ARNT2: variants seen among roughly 807,000 people sequenced by gnomAD.
ARNT2 encodes aryl hydrocarbon receptor nuclear translocator 2, also known as ARNT protein 2.
In ARNT2, 36 loss-of-function variants were observed where a neutral mutation model predicts 91.7. That is an observed-to-expected ratio of 0.39 (90% confidence interval 0.30 to 0.52). ARNT2 has a LOEUF of 0.52. Ranked by LOEUF, ARNT2 falls within the 20% of genes least tolerant of loss-of-function variation. ARNT2 has a pLI of 0.72. For synonymous variants in ARNT2, 365 were observed against 347.1 expected, an observed-to-expected ratio of 1.05 and a Z score of -0.57; for missense variants, 775 against 939.3, an observed-to-expected ratio of 0.83 and a Z score of 2.29.
intron 8 of ARNT2, among the ~76,000 whole-genome samples, chr15:80,534,876 AC>A (rs1415922761): frequency 6.6e-6 from 1 of 152,162 alleles, no homozygotes; most frequent in African/African-American, 2.4e-5. Flanking sequence ...GGATAGGTAT[AC>A]CTTTTTTCCC....
chr15:80,545,452 A>G (rs1897976175), intron 8 of ARNT2, among the ~76,000 whole-genome samples: 1 of 152,224 alleles, frequency 6.6e-6, no homozygotes, highest in South Asian at 2.1e-4. Flanking sequence ...GTGTGCTGGA[A>G]TGAAGACTTT....
intron 1 of ARNT2, among the ~76,000 whole-genome samples, chr15:80,437,922 T>TACACACACACACACACACACACACACAC (rs58142108): frequency 7.1e-6 from 1 of 141,562 alleles, no homozygotes; most frequent in Non-Finnish European, 1.5e-5. Flanking sequence ...TGTATTTACC[T>TACACACACACACACACACACACACACAC]ACACACACAC....
At chr15:80,508,633 A>C (rs1024715598) in intron 6 of ARNT2, among the ~76,000 whole-genome samples, 4 of 152,158 alleles carry the variant, frequency 2.6e-5, no homozygotes, top group African/African-American at 9.7e-5. Context: ...TTATTCATAT[A>C]TTTCCTGTCA....
intron 8 of ARNT2, among the ~76,000 whole-genome samples, chr15:80,541,554 T>A (rs1897906555): frequency 6.6e-6 from 1 of 152,246 alleles, no homozygotes; most frequent in Non-Finnish European, 1.5e-5. Flanking sequence ...TCATAAATTC[T>A]TTCCCAAGGC....
At chr15:80,450,423 C>T (rs1006831789) in intron 1 of ARNT2, among the ~76,000 whole-genome samples, 3 of 152,258 alleles carry the variant, frequency 2.0e-5, no homozygotes, top group South Asian at 2.1e-4. Context: ...TGCTTGAACA[C>T]GAACCTAGGG....
At position 80,597,052 on chromosome 15, in the gene ARNT2, G is replaced by C. The variant is rs916151175; in HGVS notation, c.*3354G>C. The stretch of plus-strand genomic sequence containing the variant: ...ATGAGACGTGAATGTTGCAGAGAGT[G>C]GGGGGATTCTGGTTGTTAAGGAACT... On this transcript the variant is annotated 3_prime_UTR_variant, in exon 19 of 19. Coordinates refer to ENST00000303329, the MANE Select transcript of ARNT2 (RefSeq NM_014862.4). The C allele has an allele frequency of 2.1e-5, 10 of 472,570 alleles. No homozygotes were observed. Among genetic ancestry groups the C allele is most frequent in the Non-Finnish European group, 3.4e-5 (8 of 236,692 alleles). The allele number at this position is 472,570 out of a possible 1,614,324, so 29.3% of individuals were successfully genotyped here.
chr15:80,442,329 T>A (rs1422141198), intron 1 of ARNT2, among the ~76,000 whole-genome samples: 2 of 152,224 alleles, frequency 1.3e-5, no homozygotes, highest in Admixed American at 1.3e-4. Flanking sequence ...GGAAGCCTTC[T>A]CAGATCTTCC....
intron 1 of ARNT2, among the ~76,000 whole-genome samples, chr15:80,416,037 G>T (rs530142069): frequency 6.6e-6 from 1 of 152,134 alleles, no homozygotes; most frequent in African/African-American, 2.4e-5. Flanking sequence ...GTAAGGTCTG[G>T]CACACACTTG....
At position 80,596,406 on chromosome 15, in the gene ARNT2, T is replaced by C. The variant is rs1345602084; in HGVS notation, c.*2708T>C. On this transcript the variant is annotated 3_prime_UTR_variant, in exon 19 of 19. Coordinates refer to ENST00000303329, the MANE Select transcript of ARNT2 (RefSeq NM_014862.4). Reference sequence around the variant, plus strand: ...GGGGTCAATAAGAAAATAGGGGTGATGGAGGGGGAGAAGCCCAGGACTGGG... The same window carrying C: ...GGGGTCAATAAGAAAATAGGGGTGACGGAGGGGGAGAAGCCCAGGACTGGG... The C allele has an allele frequency of 6.6e-6, 1 of 152,136 alleles. No individual in the cohort carries two copies. Among genetic ancestry groups the C allele is most frequent in the East Asian group, 1.9e-4 (1 of 5,180 alleles). The allele number at this position is 152,136 out of a possible 1,614,324, so 9.4% of individuals were successfully genotyped here.
chr15:80,514,434 G>A, intron 8 of ARNT2, 29 bp downstream of exon 8: 1 of 1,599,298 alleles, frequency 6.3e-7, no homozygotes, highest in Non-Finnish European at 8.6e-7. Context: ...AAATTCCACG[G>A]GAACTGGGTG....
chr15:80,438,924 C>T (rs8043087), intron 1 of ARNT2, among the ~76,000 whole-genome samples: 4 of 152,166 alleles, frequency 2.6e-5, no homozygotes, highest in African/African-American at 7.2e-5. Context: ...CTCGTGACCT[C>T]GTGATCCGCC....
intron 12 of ARNT2, among the ~76,000 whole-genome samples, chr15:80,568,427 C>T (rs971623376): frequency 1.3e-5 from 2 of 152,126 alleles, no homozygotes; most frequent in African/African-American, 4.8e-5. Context: ...ACCTGTTGGT[C>T]GTGCTCGTGT....
chr15:80,578,428 G>A (rs974180727), intron 15 of ARNT2, among the ~76,000 whole-genome samples: 2 of 151,796 alleles, frequency 1.3e-5, no homozygotes, highest in African/African-American at 4.8e-5. Context: ...CTATGACAAC[G>A]GCCTCACACA....
chr15:80,545,967 A>G (rs569723033), intron 8 of ARNT2, among the ~76,000 whole-genome samples: 1 of 152,298 alleles, frequency 6.6e-6, no homozygotes, highest in South Asian at 2.1e-4. Flanking sequence ...TTCCACCATG[A>G]TCACTCATAA....
intron 12 of ARNT2, among the ~76,000 whole-genome samples, chr15:80,564,037 C>T (rs1898423595): frequency 6.6e-6 from 1 of 152,172 alleles, no homozygotes. Context: ...GACATTTGGA[C>T]AAAAGGATGT....
rs1429576254 is a variant in ARNT2, at chr15:80,404,555, C to A, written c.31+9C>A. The A allele has an allele frequency of 1.8e-6, 2 of 1,131,518 alleles. No homozygotes were observed. The highest frequency in any genetic ancestry group is 2.2e-6 in the Non-Finnish European group (2 of 913,674). The allele number at this position is 1,131,518 out of a possible 1,614,324, so 70.1% of individuals were successfully genotyped here. ...GGCGGTCAACCCTCCGGGTGAGTAG[C>A]GGCCTGGGCCCCGCCGCCCGCCGCA... On this transcript the variant is annotated intron_variant, in intron 1 of 18. Transcript: ENST00000303329. The surrounding 1 kb of genome is among the most constrained non-coding windows in gnomAD (Gnocchi z 5.5).
intron 2 of ARNT2, among the ~76,000 whole-genome samples, chr15:80,455,464 T>C (rs760617567): frequency 2.6e-5 from 4 of 152,076 alleles, no homozygotes; most frequent in Non-Finnish European, 5.9e-5. Context: ...CTCTTTCTCA[T>C]ACCCTCTGCT....
At chr15:80,433,233 ATTTATTTTATTTTAT>A (rs1321371343) in intron 1 of ARNT2, among the ~76,000 whole-genome samples, 2,792 of 95,422 alleles carry the variant, frequency 0.029, 106 homozygotes, top group Admixed American at 0.087. Flanking sequence ...ACTATATTTT[ATTTATTTTATTTTAT>A]TTTATTTTAT....
intron 12 of ARNT2, among the ~76,000 whole-genome samples, chr15:80,565,340 A>T (rs967917115): frequency 9.2e-5 from 14 of 152,134 alleles, no homozygotes; most frequent in Non-Finnish European, 1.8e-4. Flanking sequence ...TGGTAGAACA[A>T]TTTATTTTCC....
Sources: gnomAD v4.1 joint callset for allele counts (sites outside exome capture counted in the v4.1 genomes callset) on GRCh38, gnomAD v4.1.1 for gene constraint, Gnocchi (gnomAD v3.1) non-coding constraint, MANE v1.5 for transcripts, NCBI Gene and HGNC (gene_info 2026-07-23, HGNC 2026-07-21) for gene names.